DAGLA: variants seen among roughly 807,000 people sequenced by gnomAD.
DAGLA encodes diacylglycerol lipase-alpha.
In DAGLA, 22 loss-of-function variants were observed where a neutral mutation model predicts 102.6. That is an observed-to-expected ratio of 0.21 (90% CI 0.15 to 0.31). The LOEUF is 0.31. Among genes scored for constraint, DAGLA ranks in the 10% least tolerant of loss-of-function variants. The probability of loss-of-function intolerance (pLI) is 1.00; values close to 1 mark genes in which losing one functional copy is unlikely to be tolerated. For synonymous variants in DAGLA, 578 were observed against 628.9 expected (o/e 0.92, Z 1.21); for missense variants, 927 against 1,446.6 (o/e 0.64, Z 5.83).
rs1243312076 is a variant in DAGLA at position 61,744,430 on chromosome 11, C to G, written c.3070C>G (p.Pro1024Ala). Residue 1024 changes from proline to alanine, a missense_variant, in exon 20 of 20, where the codon CCC becomes GCC. Transcript: ENST00000257215. ...GGCTGACAAGATCCGGACTTCTACCCCCACTGGCCACGGAGCCAGCCCCGC... is the reference window on the plus strand; with the variant it reads ...GGCTGACAAGATCCGGACTTCTACCGCCACTGGCCACGGAGCCAGCCCCGC... ...LAADKIRTST[P>A]TGHGASPAKQ... is the part of the protein sequence containing the mutation. 6.2e-7 allele frequency: 1 copy of G among 1,604,096 alleles called. No individual in the cohort carries two copies. The highest frequency in any genetic ancestry group is 2.2e-5 in the East Asian group (1 of 44,640).
At chr11:61,696,021 T>G (rs1160692491) in intron 1 of DAGLA, among the ~76,000 whole-genome samples, 7 of 152,208 alleles carry the variant, frequency 4.6e-5, no homozygotes, top group Non-Finnish European at 8.8e-5. Flanking sequence ...GACGGCAGCC[T>G]GCGGAGGCCT....
chr11:61,739,363 C>T (rs1397688312), intron 16 of DAGLA, 102 bp from the exon 17 acceptor site: 17 of 1,195,042 alleles, frequency 1.4e-5, no homozygotes, highest in Non-Finnish European at 1.9e-5. Flanking sequence ...TCTTACTGCC[C>T]ACCTCTCACC....
At chr11:61,709,556 T>A (rs1209938476) in intron 1 of DAGLA, among the ~76,000 whole-genome samples, 1 of 152,084 alleles carries the variant, frequency 6.6e-6, no homozygotes, top group East Asian at 1.9e-4. Context: ...CCTCCCCTCA[T>A]CTGGGGTCCC....
chr11:61,709,991 C>T (rs538879859), intron 1 of DAGLA, among the ~76,000 whole-genome samples: 1 of 152,276 alleles, frequency 6.6e-6, no homozygotes, highest in East Asian at 1.9e-4. Flanking sequence ...GGAGAGGAGG[C>T]AGCAGGACCA....
At chr11:61,706,396 C>T (rs17156231) in intron 1 of DAGLA, among the ~76,000 whole-genome samples, 2,522 of 152,314 alleles carry the variant, frequency 0.017, 74 homozygotes, top group African/African-American at 0.056. Context: ...CTGGTGTCTG[C>T]ACCCCACCCA....
intron 1 of DAGLA, among the ~76,000 whole-genome samples, chr11:61,712,802 G>A (rs1347364820): frequency 6.6e-6 from 1 of 152,206 alleles, no homozygotes. Flanking sequence ...CGGGAGCCTG[G>A]GGTGGGACCT....
chr11:61,737,499 AC>A (rs2065433770), intron 14 of DAGLA, among the ~76,000 whole-genome samples, 175 bp downstream of exon 14: 2 of 152,194 alleles, frequency 1.3e-5, no homozygotes, highest in Admixed American at 1.3e-4. Context: ...CCCAGGATCT[AC>A]CTAGCAAAGC....
intron 1 of DAGLA, among the ~76,000 whole-genome samples, chr11:61,698,717 C>T (rs1168044812): frequency 6.6e-6 from 1 of 152,220 alleles, no homozygotes; most frequent in Non-Finnish European, 1.5e-5. Flanking sequence ...TCTTGAGCAG[C>T]TGCTAGGCAC....
chr11:61,743,308 AGCCAAGATCGT>A (rs1565266444), intron 19 of DAGLA, among the ~76,000 whole-genome samples: 1 of 150,074 alleles, frequency 6.7e-6, no homozygotes, highest in Non-Finnish European at 1.5e-5. Context: ...GCTTGCAGTG[AGCCAAGATCGT>A]GCCACTGCAC....
At chr11:61,706,667 T>G (rs1178876138) in intron 1 of DAGLA, among the ~76,000 whole-genome samples, 3 of 152,128 alleles carry the variant, frequency 2.0e-5, no homozygotes, top group Non-Finnish European at 4.4e-5. Context: ...CCACTGAAGG[T>G]GGAGGAGTCA....
At chr11:61,717,714 T>G (rs1464282051) in intron 1 of DAGLA, among the ~76,000 whole-genome samples, 1 of 152,164 alleles carries the variant, frequency 6.6e-6, no homozygotes, top group Non-Finnish European at 1.5e-5. Context: ...CGGCCACTGG[T>G]GCAGGCCTGT....
chr11:61,716,956 C>G (rs1248383008), intron 1 of DAGLA, among the ~76,000 whole-genome samples: 3 of 152,086 alleles, frequency 2.0e-5, no homozygotes, highest in Non-Finnish European at 4.4e-5. Flanking sequence ...GGGGGTCCAA[C>G]CAGAGGCAGG....
chr11:61,698,256 T>C (rs919022330), intron 1 of DAGLA, among the ~76,000 whole-genome samples: 1 of 152,194 alleles, frequency 6.6e-6, no homozygotes, highest in African/African-American at 2.4e-5. Context: ...TCTCCTGTGG[T>C]GCCTCTGCAG....
intron 14 of DAGLA, 139 bp downstream of exon 14, chr11:61,737,463 TG>T: frequency 7.7e-7 from 1 of 1,294,080 alleles, no homozygotes; most frequent in Non-Finnish European, 1.1e-6. Context: ...GGGTGGAGGG[TG>T]GGGGCTCTGA....
intron 1 of DAGLA, among the ~76,000 whole-genome samples, chr11:61,685,577 G>C (rs1487869280): frequency 6.6e-6 from 1 of 152,216 alleles, no homozygotes; most frequent in Non-Finnish European, 1.5e-5. Context: ...GCATGCAGAT[G>C]AGGTGGTCAT....
chr11:61,702,285 G>A (rs1013324459), intron 1 of DAGLA, among the ~76,000 whole-genome samples: 3 of 152,116 alleles, frequency 2.0e-5, no homozygotes, highest in African/African-American at 7.2e-5. Context: ...TTCGAACTTA[G>A]TTCTGACAGA....
intron 1 of DAGLA, among the ~76,000 whole-genome samples, chr11:61,709,314 C>T (rs575090765): frequency 6.6e-6 from 1 of 152,286 alleles, no homozygotes; most frequent in South Asian, 2.1e-4. Context: ...TCGCAATCTT[C>T]GCTCACTGCA....
chr11:61,682,115 T>C (rs929402295), intron 1 of DAGLA, among the ~76,000 whole-genome samples: 1 of 152,204 alleles, frequency 6.6e-6, no homozygotes, highest in Non-Finnish European at 1.5e-5. Flanking sequence ...ACCGGAGCAC[T>C]GTCCGATGCC....
intron 1 of DAGLA, among the ~76,000 whole-genome samples, chr11:61,707,847 G>A (rs898175592): frequency 2.7e-5 from 4 of 150,316 alleles, no homozygotes; most frequent in Non-Finnish European, 3.0e-5. Flanking sequence ...AAGGTGGAGG[G>A]TATGGGTGCT....
Sources: allele counts gnomAD v4.1 joint callset (sites outside exome capture counted in the v4.1 genomes callset), GRCh38; gene constraint gnomAD v4.1.1; transcripts MANE v1.5; gene names NCBI Gene and HGNC (gene_info 2026-07-23, HGNC 2026-07-21).